CXCL13: variants seen among roughly 807,000 people sequenced by gnomAD.
The protein encoded by CXCL13 is C-X-C motif chemokine ligand 13.
CXCL13 carries 7 observed loss-of-function variants against 12.2 expected under a neutral mutation model. The observed-to-expected ratio is 0.57, with a 90% CI of 0.33 to 1.07. The LOEUF is 1.07. CXCL13 is among the 50% of genes least tolerant of loss of function. The probability of loss-of-function intolerance (pLI) is 0.04; values close to 1 mark genes in which losing one functional copy is unlikely to be tolerated. For synonymous variants in CXCL13, 47 were observed against 42.4 expected (o/e 1.11, Z -0.42); for missense variants, 113 against 127.4 (o/e 0.89, Z 0.55).
At chr4:77,525,058 G>T (rs1578035975) in intron 1 of CXCL13, among the ~76,000 whole-genome samples, 1 of 152,178 alleles carries the variant, frequency 6.6e-6, no homozygotes, top group South Asian at 2.1e-4. Context: ...GTTATCACAG[G>T]AGTGGGTCAG....
At chr4:77,514,296 T>C (rs563892709) in intron 1 of CXCL13, among the ~76,000 whole-genome samples, 509 of 151,302 alleles carry the variant, frequency 3.4e-3, no homozygotes, top group African/African-American at 0.012. Flanking sequence ...AGCAGCATGA[T>C]TTATAGTCCT....
intron 1 of CXCL13, among the ~76,000 whole-genome samples, chr4:77,532,034 T>G (rs1028660802): frequency 2.6e-5 from 4 of 152,234 alleles, no homozygotes; most frequent in African/African-American, 9.6e-5. Context: ...TTGGAGCATT[T>G]AGCCCATTTA....
At chr4:77,600,115 G>A (rs1726855644) in intron 1 of CXCL13, among the ~76,000 whole-genome samples, 1 of 151,596 alleles carries the variant, frequency 6.6e-6, no homozygotes. Context: ...TTCAGTTTGG[G>A]GATAATATGA....
At chr4:77,546,282 G>T (rs971870623) in intron 1 of CXCL13, among the ~76,000 whole-genome samples, 2 of 152,080 alleles carry the variant, frequency 1.3e-5, no homozygotes, top group African/African-American at 2.4e-5. Flanking sequence ...TAAGGAGGAT[G>T]CCCTCTTTTT....
At chr4:77,521,121 G>T (rs1724584181) in intron 1 of CXCL13, among the ~76,000 whole-genome samples, 1 of 152,222 alleles carries the variant, frequency 6.6e-6, no homozygotes, top group Admixed American at 6.5e-5. Context: ...TGGTTTGCCA[G>T]TATTTTATTG....
At chr4:77,511,986 A>C (rs139987499) in intron 1 of CXCL13, among the ~76,000 whole-genome samples, 1 of 152,216 alleles carries the variant, frequency 6.6e-6, no homozygotes, top group Non-Finnish European at 1.5e-5. Context: ...TTGTTGGAGC[A>C]CTGTGCCATG....
intron 1 of CXCL13, among the ~76,000 whole-genome samples, chr4:77,572,191 A>T (rs916497701): frequency 1.3e-5 from 2 of 151,890 alleles, no homozygotes; most frequent in Non-Finnish European, 2.9e-5. Flanking sequence ...ACCTGAGGTC[A>T]GGAGTTCAAG....
intron 1 of CXCL13, among the ~76,000 whole-genome samples, chr4:77,592,867 A>G (rs759862425): frequency 1.3e-5 from 2 of 152,182 alleles, no homozygotes; most frequent in Non-Finnish European, 2.9e-5. Context: ...ATGGGGCCTC[A>G]TTGTCCCTCA....
chr4:77,515,972 G>T (rs549369649), intron 1 of CXCL13, among the ~76,000 whole-genome samples: 6 of 152,188 alleles, frequency 3.9e-5, no homozygotes, highest in Admixed American at 2.6e-4. Context: ...ATTGTTTTGA[G>T]ATATGTCCCT....
chr4:77,589,446 G>A (rs111750534), intron 1 of CXCL13, among the ~76,000 whole-genome samples: 7 of 152,196 alleles, frequency 4.6e-5, no homozygotes, highest in African/African-American at 1.4e-4. Flanking sequence ...TAAAGCTCAA[G>A]AGTAGTGATG....
At chr4:77,533,532 G>C (rs1305858177) in intron 1 of CXCL13, among the ~76,000 whole-genome samples, 1 of 152,194 alleles carries the variant, frequency 6.6e-6, no homozygotes, top group Non-Finnish European at 1.5e-5. Context: ...CCAGCTCCAT[G>C]CTGGGAGAAC....
intron 1 of CXCL13, among the ~76,000 whole-genome samples, chr4:77,526,947 G>A (rs1724781954): frequency 1.3e-5 from 2 of 152,192 alleles, no homozygotes; most frequent in Admixed American, 6.5e-5. Context: ...ACTGATAGAA[G>A]GCAAGCGGGG....
chr4:77,603,848 G>A (rs1286452563), upstream of CXCL13, among the ~76,000 whole-genome samples: 2 of 152,094 alleles, frequency 1.3e-5, no homozygotes, highest in Non-Finnish European at 2.9e-5. Flanking sequence ...GCCAGTATTT[G>A]GCCGAACCCT....
intron 1 of CXCL13, among the ~76,000 whole-genome samples, chr4:77,530,498 T>C (rs1336082626): frequency 6.6e-6 from 1 of 152,210 alleles, no homozygotes; most frequent in Non-Finnish European, 1.5e-5. Context: ...CCTGGTTTAG[T>C]CTTGTGAGGG....
At chr4:77,548,031 A>C (rs1439872981) in intron 1 of CXCL13, among the ~76,000 whole-genome samples, 1 of 151,858 alleles carries the variant, frequency 6.6e-6, no homozygotes, top group Non-Finnish European at 1.5e-5. Flanking sequence ...GGTTGAAAAA[A>C]AATTTTTTTT....
At chr4:77,567,823 C>A (rs939123869) in intron 1 of CXCL13, among the ~76,000 whole-genome samples, 5 of 152,164 alleles carry the variant, frequency 3.3e-5, no homozygotes, top group Admixed American at 3.3e-4. Flanking sequence ...CTGGAATTCC[C>A]CACCCCTTTC....
chr4:77,600,262 C>T (rs1726858541), intron 1 of CXCL13, among the ~76,000 whole-genome samples: 1 of 151,788 alleles, frequency 6.6e-6, no homozygotes, highest in Non-Finnish European at 1.5e-5. Flanking sequence ...AGAGAGTACA[C>T]AGTGAGAGGA....
chr4:77,604,820 G>A (rs1030052226), upstream of CXCL13, among the ~76,000 whole-genome samples: 1 of 152,104 alleles, frequency 6.6e-6, no homozygotes, highest in Non-Finnish European at 1.5e-5. Flanking sequence ...AGGAAATCGC[G>A]CCAGGAAGCC....
At chr4:77,532,422 G>T (rs111225897) in intron 1 of CXCL13, among the ~76,000 whole-genome samples, 2 of 152,214 alleles carry the variant, frequency 1.3e-5, no homozygotes, top group South Asian at 2.1e-4. Context: ...TCAGCTGTTA[G>T]TCTGATGGGC....
Sources: gnomAD v4.1 joint callset for allele counts (sites outside exome capture counted in the v4.1 genomes callset) on GRCh38, gnomAD v4.1.1 for gene constraint, MANE v1.5 for transcripts, NCBI Gene and HGNC (gene_info 2026-07-23, HGNC 2026-07-21) for gene names.